The following PRKG1 variants were observed in gnomAD, a reference collection of about 807,000 sequenced individuals.
PRKG1 encodes the protein protein kinase cGMP-dependent 1, also known as cGMP-dependent protein kinase 1.
Under a neutral mutation model 88.1 loss-of-function variants are expected in PRKG1, and 35 were observed. The observed-to-expected ratio is 0.40, with a 90% CI of 0.30 to 0.53. PRKG1 has a LOEUF of 0.53. Among genes scored for constraint, PRKG1 ranks in the 20% least tolerant of loss-of-function variants. The probability of loss-of-function intolerance (pLI) is 0.59; values close to 1 mark genes in which losing one functional copy is unlikely to be tolerated. For missense variants in PRKG1, 540 were observed against 839.8 expected, an observed-to-expected ratio of 0.64 and a Z score of 4.41; for synonymous variants, 303 against 292.5, an observed-to-expected ratio of 1.04 and a Z score of -0.37.
chr10:51,551,172 G>T (rs1002128830), intron 3 of PRKG1, among the ~76,000 whole-genome samples: 1 of 151,784 alleles, frequency 6.6e-6, no homozygotes, highest in African/African-American at 2.4e-5. Context: ...CAACCAACAT[G>T]CATTTCACGT....
chr10:51,461,542 A>G (rs1433820008), intron 2 of PRKG1, among the ~76,000 whole-genome samples: 2 of 152,194 alleles, frequency 1.3e-5, no homozygotes, highest in African/African-American at 4.8e-5. Flanking sequence ...TGTCCAAAGA[A>G]TGATTTTCAA....
chr10:52,244,929 T>C (rs2132387474), intron 9 of PRKG1, among the ~76,000 whole-genome samples: 1 of 144,400 alleles, frequency 6.9e-6, no homozygotes, highest in South Asian at 2.1e-4. Context: ...TATATTTAAA[T>C]ATACTTTAAA....
intron 2 of PRKG1, among the ~76,000 whole-genome samples, chr10:51,409,943 A>T (rs1209110383): frequency 6.6e-6 from 1 of 150,568 alleles, no homozygotes; most frequent in Non-Finnish European, 1.5e-5. Context: ...TGATTCACCT[A>T]TGGGGGCCTG....
At chr10:51,029,864 G>A (rs1486525158) in intron 1 of PRKG1, among the ~76,000 whole-genome samples, 1 of 152,154 alleles carries the variant, frequency 6.6e-6, no homozygotes, top group Non-Finnish European at 1.5e-5. Context: ...TTTGCTGGCT[G>A]TGTAACCTGG....
At chr10:51,767,930 T>C (rs1838209381) in intron 3 of PRKG1, among the ~76,000 whole-genome samples, 1 of 152,002 alleles carries the variant, frequency 6.6e-6, no homozygotes. Context: ...TACTTAATAA[T>C]TGAGAAATGC....
intron 7 of PRKG1, among the ~76,000 whole-genome samples, chr10:52,094,306 A>G (rs1904015): frequency 1 from 151,989 of 152,242 alleles, 75,868 homozygotes; most frequent in Non-Finnish European, 1. Flanking sequence ...ATTCTTCCTC[A>G]TTTGTCAATA....
At chr10:52,044,154 C>A (rs1160741662) in intron 5 of PRKG1, among the ~76,000 whole-genome samples, 2 of 152,016 alleles carry the variant, frequency 1.3e-5, no homozygotes, top group Admixed American at 6.6e-5. Context: ...ACCAGCAGTG[C>A]CAGTTGTACA....
chr10:51,280,527 C>T (rs1358291686), intron 2 of PRKG1, among the ~76,000 whole-genome samples: 1 of 152,198 alleles, frequency 6.6e-6, no homozygotes, highest in Non-Finnish European at 1.5e-5. Context: ...TAGGTTTGGT[C>T]TTTTCACATA....
At position 51,728,226 on chromosome 10, in the gene PRKG1, G is replaced by A. The variant is rs10999125; in HGVS notation, c.593-76359G>A. 8.2e-3 allele frequency among the ~76,000 whole-genome samples: 1,253 copies of A among 152,040 alleles called. 19 individuals are homozygous for A. The highest frequency in any genetic ancestry group is 0.028 in the African/African-American group (1,177 of 41,492). Reference sequence around the variant, plus strand: ...TTTTTACCCCCAGACAAGAGAAAGTGCAAAGTAATTGATTCTGTTTCTGTT... The same window carrying A: ...TTTTTACCCCCAGACAAGAGAAAGTACAAAGTAATTGATTCTGTTTCTGTT... On this transcript the variant is annotated intron_variant, in intron 3 of 17. Coordinates refer to ENST00000373980, the MANE Select transcript of PRKG1 (RefSeq NM_006258.4).
At chr10:51,338,827 G>A (rs1333494130) in intron 2 of PRKG1, among the ~76,000 whole-genome samples, 1 of 152,098 alleles carries the variant, frequency 6.6e-6, no homozygotes, top group Non-Finnish European at 1.5e-5. Context: ...ACAGGATTTT[G>A]TTCCTACTTT....
chr10:51,766,806 G>A (rs757808918), intron 3 of PRKG1, among the ~76,000 whole-genome samples: 6 of 152,122 alleles, frequency 3.9e-5, no homozygotes, highest in Non-Finnish European at 7.4e-5. Context: ...GTGGGGTGCG[G>A]GGAGGAGTTG....
intron 7 of PRKG1, among the ~76,000 whole-genome samples, chr10:52,070,576 C>T (rs932823661): frequency 6.6e-6 from 1 of 152,002 alleles, no homozygotes; most frequent in Admixed American, 6.6e-5. Context: ...TTCTTTCCCC[C>T]GCTTTCTCTT....
At chr10:52,010,020 A>C (rs1844841043) in intron 5 of PRKG1, among the ~76,000 whole-genome samples, 1 of 152,160 alleles carries the variant, frequency 6.6e-6, no homozygotes, top group Admixed American at 6.6e-5. Flanking sequence ...TCAAAAATCA[A>C]CTCAAGATTG....
At chr10:52,174,695 T>C (rs1589673597) in intron 9 of PRKG1, among the ~76,000 whole-genome samples, 1 of 152,046 alleles carries the variant, frequency 6.6e-6, no homozygotes, top group East Asian at 1.9e-4. Flanking sequence ...AAAAATTAAG[T>C]AAAAATGCTT....
At position 51,799,972 on chromosome 10, in the gene PRKG1, G is replaced by A. The variant is rs150971179; in HGVS notation, c.593-4613G>A. Among the ~76,000 whole-genome samples the A allele has an allele frequency of 3.5e-4, 53 of 152,168 alleles. No homozygotes were observed. The East Asian group carries it at 7.7e-3, about 22-fold the overall frequency. ...CTGTGATGACATTTAATGATGAATAGTGATATAATTTATTAAAACTAAGAT... is the reference window on the plus strand; with the variant it reads ...CTGTGATGACATTTAATGATGAATAATGATATAATTTATTAAAACTAAGAT... On this transcript the variant is annotated intron_variant, in intron 3 of 17. Coordinates refer to ENST00000373980, the MANE Select transcript of PRKG1 (RefSeq NM_006258.4).
chr10:51,646,677 T>C (rs1222295861), intron 3 of PRKG1, among the ~76,000 whole-genome samples: 3 of 152,096 alleles, frequency 2.0e-5, no homozygotes, highest in Non-Finnish European at 4.4e-5. Flanking sequence ...TGATATATTA[T>C]ACTTTCTCTT....
intron 3 of PRKG1, among the ~76,000 whole-genome samples, chr10:51,528,197 C>G (rs1025477222): frequency 1.3e-5 from 2 of 152,156 alleles, no homozygotes; most frequent in African/African-American, 4.8e-5. Context: ...TGAGCTAGAG[C>G]CACTAATCTC....
At chr10:51,365,071 GACCATT>G (rs1264314740) in intron 2 of PRKG1, among the ~76,000 whole-genome samples, 5 of 151,884 alleles carry the variant, frequency 3.3e-5, no homozygotes, top group Non-Finnish European at 5.9e-5. Context: ...AGTCTCTACA[GACCATT>G]ACTAGCTCTA....
chr10:52,280,906 A>G lies in PRKG1; in HGVS notation c.1521A>G (p.Leu507=). 3 of 1,613,492 alleles carry G rather than the reference A, an allele frequency of 1.9e-6. No homozygotes were observed. The highest frequency in any genetic ancestry group is 2.5e-6 in the Non-Finnish European group (3 of 1,179,628). The stretch of plus-strand genomic sequence containing the variant: ...ACCTCAAGCCAGAAAATCTCATCCT[A>G]GATCACCGAGGTTATGCCAAACTGG... The part of the protein sequence containing the change: ...YRDLKPENLI[L]DHRGYAKLVD... Residue 507 remains leucine (L), a synonymous_variant, in exon 13 of 18, where the codon CTA becomes CTG. Transcript: ENST00000373980.
Sources: gnomAD v4.1 joint callset for allele counts (sites outside exome capture counted in the v4.1 genomes callset) on GRCh38, gnomAD v4.1.1 for gene constraint, MANE v1.5 for transcripts, NCBI Gene and HGNC (gene_info 2026-07-23, HGNC 2026-07-21) for gene names.